The following PTPRM variants were observed in gnomAD, a reference collection of about 807,000 sequenced individuals.
PTPRM encodes the protein protein tyrosine phosphatase receptor type M.
PTPRM carries 47 observed loss-of-function variants against 186.7 expected under a neutral mutation model. The observed-to-expected ratio is 0.25, with a 90% CI of 0.20 to 0.32. The LOEUF is 0.32. PTPRM is among the 10% of genes least tolerant of loss of function. The probability of loss-of-function intolerance (pLI) is 1.00; values close to 1 mark genes in which losing one functional copy is unlikely to be tolerated. For missense variants in PTPRM, 1,494 were observed against 1,865.0 expected (o/e 0.80, Z 3.66); for synonymous variants, 668 against 674.9 (o/e 0.99, Z 0.16).
chr18:7,810,908 T>C (rs1355831778), intron 2 of PTPRM, among the ~76,000 whole-genome samples: 1 of 152,242 alleles, frequency 6.6e-6, no homozygotes, highest in Non-Finnish European at 1.5e-5. Context: ...TTTTGAATTA[T>C]GCTATTAATT....
At chr18:7,658,353 T>C (rs991661005) in intron 1 of PTPRM, among the ~76,000 whole-genome samples, 3 of 133,558 alleles carry the variant, frequency 2.2e-5, no homozygotes, top group Non-Finnish European at 3.1e-5. Flanking sequence ...TATATATATA[T>C]ATATATACAT....
chr18:7,782,559 A>G (rs1003558803), intron 2 of PTPRM, among the ~76,000 whole-genome samples: 2 of 152,098 alleles, frequency 1.3e-5, no homozygotes, highest in African/African-American at 4.8e-5. Flanking sequence ...TCTTCCCCCA[A>G]CTGAAACTCT....
intron 20 of PTPRM, among the ~76,000 whole-genome samples, chr18:8,301,683 G>C (rs550446026): frequency 1.0e-4 from 16 of 152,382 alleles, no homozygotes; most frequent in Non-Finnish European, 2.2e-4. Context: ...GTCAGCGAGA[G>C]AGCAGGGAAC....
intron 1 of PTPRM, among the ~76,000 whole-genome samples, chr18:7,629,233 A>G (rs578021207): frequency 1.4e-4 from 21 of 152,302 alleles, no homozygotes; most frequent in African/African-American, 1.9e-4. Context: ...TGTAGGGAAG[A>G]ACCATCTAAC....
chr18:7,813,896 T>A (rs532023686), intron 2 of PTPRM, among the ~76,000 whole-genome samples: 2 of 152,216 alleles, frequency 1.3e-5, no homozygotes, highest in South Asian at 4.1e-4. Flanking sequence ...ATTTAAAAAT[T>A]GTCTAAAAAT....
intron 7 of PTPRM, among the ~76,000 whole-genome samples, chr18:8,050,469 G>A (rs2087404344): frequency 6.6e-6 from 1 of 151,400 alleles, no homozygotes; most frequent in South Asian, 2.1e-4. Flanking sequence ...TCTGATTAGT[G>A]AATAAGTGGT....
At chr18:7,920,996 T>G (rs929372597) in intron 4 of PTPRM, among the ~76,000 whole-genome samples, 12 of 152,202 alleles carry the variant, frequency 7.9e-5, no homozygotes, top group Non-Finnish European at 1.5e-4. Context: ...ATTTGCTTCT[T>G]TTCTCTTGCT....
intron 1 of PTPRM, among the ~76,000 whole-genome samples, chr18:7,657,948 G>C (rs567401617): frequency 3.5e-4 from 53 of 152,190 alleles, no homozygotes; most frequent in African/African-American, 8.9e-4. Context: ...GTATATTTAA[G>C]GTGTACATCA....
At chr18:8,293,272 C>T (rs753704790) in intron 19 of PTPRM, among the ~76,000 whole-genome samples, 1 of 152,194 alleles carries the variant, frequency 6.6e-6, no homozygotes, top group Non-Finnish European at 1.5e-5. Flanking sequence ...AATAATACAA[C>T]TAAAATAACT....
chr18:7,960,659 G>A (rs2053617530), intron 7 of PTPRM, among the ~76,000 whole-genome samples: 1 of 151,926 alleles, frequency 6.6e-6, no homozygotes, highest in Non-Finnish European at 1.5e-5. Context: ...TTGGAAGGCT[G>A]AGATAGGAGG....
At chr18:8,011,825 G>C (rs530746998) in intron 7 of PTPRM, among the ~76,000 whole-genome samples, 13 of 152,324 alleles carry the variant, frequency 8.5e-5, no homozygotes, top group African/African-American at 2.9e-4. Context: ...GATATTACCT[G>C]TGCCTTTTAG....
intron 1 of PTPRM, among the ~76,000 whole-genome samples, chr18:7,643,462 C>G (rs1275323739): frequency 6.6e-6 from 1 of 152,166 alleles, no homozygotes; most frequent in African/African-American, 2.4e-5. Flanking sequence ...GTCTCAGCCT[C>G]CCGAGTAGCT....
rs574904312 is a variant in PTPRM, at chr18:8,380,258, C to T, written c.3787-38C>T. ...ACCTAGCTTCTTCTCTTCCCATTTT[C>T]CTGAGTATATTTGGAGCATTCTTGT... On this transcript the variant is annotated intron_variant, in intron 28 of 32. Transcript: ENST00000580170. 3.1e-6 allele frequency: 5 copies of T among 1,599,224 alleles called. No individual in the cohort carries two copies. The Middle Eastern group carries it at 5.0e-4, about 160-fold the overall frequency.
chr18:8,107,622 G>A (rs576846762), intron 11 of PTPRM, among the ~76,000 whole-genome samples: 1 of 152,304 alleles, frequency 6.6e-6, no homozygotes, highest in East Asian at 1.9e-4. Context: ...TTACGGCTGA[G>A]AGAACATAAA....
At chr18:7,794,987 A>G (rs1241215587) in intron 2 of PTPRM, among the ~76,000 whole-genome samples, 6 of 152,160 alleles carry the variant, frequency 3.9e-5, no homozygotes, top group Non-Finnish European at 5.9e-5. Flanking sequence ...CCCAGTCTAC[A>G]TCCTGGCTTA....
At chr18:8,381,907 A>G (rs879539499) in intron 29 of PTPRM, among the ~76,000 whole-genome samples, 1 of 152,250 alleles carries the variant, frequency 6.6e-6, no homozygotes, top group Non-Finnish European at 1.5e-5. Context: ...TTAGTGAACA[A>G]GACATCAGTG....
chr18:8,344,448 G>GTATATATATATATATATATA (rs1207996603), intron 23 of PTPRM, among the ~76,000 whole-genome samples: 620 of 33,056 alleles, frequency 0.019, 3 homozygotes, highest in Non-Finnish European at 0.046. Context: ...GTGTGTGTGT[G>GTATATATATATATATATATA]TATATATATA....
chr18:8,370,779 A>G (rs1341736608), intron 23 of PTPRM, 111 bp from the exon 24 acceptor site: 20 of 610,624 alleles, frequency 3.3e-5, no homozygotes, highest in Non-Finnish European at 5.5e-5. Context: ...TGAGTATACA[A>G]TTAACTTTTG....
intron 1 of PTPRM, among the ~76,000 whole-genome samples, chr18:7,626,901 C>T (rs915374911): frequency 1.3e-5 from 2 of 152,160 alleles, no homozygotes; most frequent in Admixed American, 6.5e-5. Context: ...AGGTCTCGCT[C>T]TGTTGCTGGG....
Sources: gnomAD v4.1 joint callset for allele counts (sites outside exome capture counted in the v4.1 genomes callset) on GRCh38, gnomAD v4.1.1 for gene constraint, MANE v1.5 for transcripts, NCBI Gene and HGNC (gene_info 2026-07-23, HGNC 2026-07-21) for gene names.